INPP4B: variants seen among roughly 807,000 people sequenced by gnomAD.
INPP4B encodes the protein inositol polyphosphate-4-phosphatase type II B.
INPP4B carries 55 observed loss-of-function variants against 122.5 expected under a neutral mutation model. That is an observed-to-expected ratio of 0.45 (90% CI 0.36 to 0.56). INPP4B has a LOEUF of 0.56. INPP4B is among the 20% of genes least tolerant of loss of function. The pLI is 0.00. For missense variants in INPP4B, 1,000 were observed against 1,097.7 expected, an observed-to-expected ratio of 0.91 and a Z score of 1.26; for synonymous variants, 403 against 388.7, an observed-to-expected ratio of 1.04 and a Z score of -0.43.
At chr4:142,621,762 C>T (rs1034727109) in intron 2 of INPP4B, among the ~76,000 whole-genome samples, 1 of 150,632 alleles carries the variant, frequency 6.6e-6, no homozygotes, top group African/African-American at 2.4e-5. Flanking sequence ...TCACACATAC[C>T]TTATAAAAAT....
intron 11 of INPP4B, among the ~76,000 whole-genome samples, chr4:142,243,873 A>G (rs1435583554): frequency 4.0e-5 from 1 of 25,166 alleles, no homozygotes; most frequent in African/African-American, 8.2e-5. Context: ...ATTAAAATCT[A>G]TGGTGCTACA....
chr4:142,651,405 T>C (rs1407017087), intron 2 of INPP4B, among the ~76,000 whole-genome samples: 3 of 151,892 alleles, frequency 2.0e-5, no homozygotes, highest in South Asian at 2.1e-4. Flanking sequence ...ACATAAAAAA[T>C]TCTTCAAAAA....
At chr4:142,249,418 T>TTTTTTAATGTTTTTAATG (rs1730826050) in intron 11 of INPP4B, among the ~76,000 whole-genome samples, 1 of 152,088 alleles carries the variant, frequency 6.6e-6, no homozygotes, top group South Asian at 2.1e-4. Context: ...CTTTAAAACT[T>TTTTTTAATGTTTTTAATG]TTTTTAATGT....
intron 2 of INPP4B, among the ~76,000 whole-genome samples, chr4:142,684,825 C>T (rs1759116324): frequency 6.6e-6 from 1 of 151,886 alleles, no homozygotes; most frequent in African/African-American, 2.4e-5. Flanking sequence ...AAGTCACTTT[C>T]ACATTATTAA....
At chr4:142,842,819 A>G (rs1260448525) in intron 1 of INPP4B, among the ~76,000 whole-genome samples, 1 of 134,658 alleles carries the variant, frequency 7.4e-6, no homozygotes, top group East Asian at 2.0e-4. Flanking sequence ...TATGTATGAT[A>G]TATATAAATT....
chr4:142,058,554 C>T (rs904650345), intron 25 of INPP4B, among the ~76,000 whole-genome samples: 10 of 152,144 alleles, frequency 6.6e-5, no homozygotes, highest in South Asian at 2.1e-4. Flanking sequence ...TTCAATATTA[C>T]GTTTAAGGCA....
chr4:142,647,721 T>C (rs1230207595), intron 2 of INPP4B, among the ~76,000 whole-genome samples: 2 of 152,244 alleles, frequency 1.3e-5, no homozygotes, highest in Non-Finnish European at 2.9e-5. Flanking sequence ...CTTATCAGCA[T>C]AGTCAGCTGA....
intron 25 of INPP4B, among the ~76,000 whole-genome samples, chr4:142,059,368 AT>A (rs1759419901): frequency 6.6e-6 from 1 of 151,896 alleles, no homozygotes; most frequent in Non-Finnish European, 1.5e-5. Context: ...TCACTCCCTT[AT>A]TTCTGTTTCC....
chr4:142,254,547 T>C (rs1293092665), intron 11 of INPP4B, among the ~76,000 whole-genome samples: 3 of 152,090 alleles, frequency 2.0e-5, no homozygotes, highest in Admixed American at 6.6e-5. Flanking sequence ...TCGAGAACTC[T>C]GTGAAGAATG....
At position 142,270,757 on chromosome 4, in the gene INPP4B, T is replaced by G. The variant is rs368176260; in HGVS notation, c.521A>C (p.Lys174Thr). The G allele has an allele frequency of 4.3e-6, 7 of 1,613,462 alleles. No individual in the cohort carries two copies. In the African/African-American group the frequency reaches 8.0e-5, roughly 18 times the overall value. The change falls in exon 10 of 26, where the codon AAA becomes ACA. Residue 174 changes from lysine to threonine, a missense_variant. By Grantham distance (78) the Lys-to-Thr change is moderately conservative. Coordinates refer to ENST00000262992, the MANE Select transcript of INPP4B (RefSeq NM_001101669.3). ...ACTGACTTCTATGGTGCCAACCACTTTGCCACCATCTGAAGTTCTGCAACA... is the reference window on the plus strand; with the variant it reads ...ACTGACTTCTATGGTGCCAACCACTGTGCCACCATCTGAAGTTCTGCAACA... ...VLSLRTSDGG[K>T]VVGTIEVSVV...
At position 142,123,365 on chromosome 4, in the gene INPP4B, A is replaced by G. The variant is rs376124191; in HGVS notation, c.1944T>C (p.Tyr648=). 6.2e-7 allele frequency: 1 copy of G among 1,612,394 alleles called. No homozygotes were observed. The highest frequency in any genetic ancestry group is 1.7e-5 in the Admixed American group (1 of 59,900). The part of the protein sequence containing the change: ...GFIIKLQTSL[Y]DPGFLQQLHT... The stretch of plus-strand genomic sequence containing the variant: ...GAAGCTGCTGTAGGAAGCCTGGGTC[A>G]TACAGACTTGTCTGTAATTTGATGA... The change falls in exon 20 of 26, where the codon TAT becomes TAC. Residue 648 remains tyrosine (Y), a synonymous_variant. Coordinates refer to ENST00000262992, the MANE Select transcript of INPP4B (RefSeq NM_001101669.3).
At chr4:142,297,208 G>A (rs893103909) in intron 9 of INPP4B, among the ~76,000 whole-genome samples, 1 of 152,074 alleles carries the variant, frequency 6.6e-6, no homozygotes, top group Non-Finnish European at 1.5e-5. Flanking sequence ...TATTTCTTTT[G>A]CTGGTAGCTG....
At chr4:142,153,275 T>C (rs1156325509) in intron 17 of INPP4B, among the ~76,000 whole-genome samples, 1 of 152,182 alleles carries the variant, frequency 6.6e-6, no homozygotes, top group Non-Finnish European at 1.5e-5. Flanking sequence ...AAACACCAAT[T>C]CTTTTTAATT....
chr4:142,719,674 T>A (rs2150831420), intron 2 of INPP4B, among the ~76,000 whole-genome samples: 1 of 152,174 alleles, frequency 6.6e-6, no homozygotes, highest in East Asian at 1.9e-4. Flanking sequence ...TTACTAATTC[T>A]TAAAAACTAA....
chr4:142,529,657 G>A lies in INPP4B; in HGVS notation c.-190-66931C>T, dbSNP rs1217445365. 2.6e-5 allele frequency among the ~76,000 whole-genome samples: 4 copies of A among 151,930 alleles called. No homozygotes were observed. The East Asian group carries it at 5.8e-4, about 22-fold the overall frequency. On this transcript the variant is annotated intron_variant, in intron 2 of 25. Transcript: ENST00000262992. The stretch of plus-strand genomic sequence containing the variant: ...ATATCCATAAACAAAAGCTTTTTGG[G>A]GGTCTTCAACAAATATTAAGAGTGT...
At chr4:142,551,194 G>A (rs952772659) in intron 2 of INPP4B, among the ~76,000 whole-genome samples, 6 of 152,140 alleles carry the variant, frequency 3.9e-5, no homozygotes, top group African/African-American at 1.4e-4. Context: ...CAATTTCCTT[G>A]GACGACGCCC....
At chr4:142,389,286 A>G (rs139767883) in intron 7 of INPP4B, among the ~76,000 whole-genome samples, 5,229 of 151,624 alleles carry the variant, frequency 0.034, 333 homozygotes, top group African/African-American at 0.12. Flanking sequence ...AGAAACTGGT[A>G]AATGAAAAAT....
chr4:142,356,853 C>T (rs949650904), intron 7 of INPP4B, among the ~76,000 whole-genome samples: 6 of 151,838 alleles, frequency 4.0e-5, no homozygotes, highest in African/African-American at 1.4e-4. Flanking sequence ...CTTTTAGCCC[C>T]AGCCCTCATC....
intron 25 of INPP4B, among the ~76,000 whole-genome samples, chr4:142,050,343 C>T (rs966036938): frequency 6.6e-6 from 1 of 151,894 alleles, no homozygotes; most frequent in African/African-American, 2.4e-5. Flanking sequence ...AAAAGGATGT[C>T]ATTCTGGTAA....
Sources: gnomAD v4.1 joint callset for allele counts (sites outside exome capture counted in the v4.1 genomes callset) on GRCh38, gnomAD v4.1.1 for gene constraint, MANE v1.5 for transcripts, NCBI Gene and HGNC (gene_info 2026-07-23, HGNC 2026-07-21) for gene names.